KCTD16: variants seen among roughly 807,000 people sequenced by gnomAD.
KCTD16 encodes BTB/POZ domain-containing protein KCTD16.
In KCTD16, 13 loss-of-function variants were observed where a neutral mutation model predicts 33.2. The observed-to-expected ratio is 0.39, with a 90% confidence interval of 0.25 to 0.62. The LOEUF (loss-of-function observed/expected upper bound fraction) is 0.62. Ranked by LOEUF, KCTD16 falls within the 20% of genes least tolerant of loss-of-function variation. The pLI is 0.50. For synonymous variants in KCTD16, 197 were observed against 195.3 expected (o/e 1.01, Z -0.07); for missense variants, 441 against 525.1 (o/e 0.84, Z 1.57).
chr5:144,419,839 C>G (rs1007609146), intron 3 of KCTD16, among the ~76,000 whole-genome samples: 3 of 151,960 alleles, frequency 2.0e-5, no homozygotes, highest in African/African-American at 7.3e-5. Flanking sequence ...AATGACTACC[C>G]TGTTGCATAG....
Position 144,206,892 on chromosome 5 carries a change from G to T in KCTD16, c.178G>T (p.Asp60Tyr), listed in dbSNP as rs773575209. 6.2e-7 allele frequency: 1 copy of T among 1,614,188 alleles called. No individual in the cohort carries two copies. The highest frequency in any genetic ancestry group is 1.1e-5 in the South Asian group (1 of 91,074). ...GTGGAAAATGTTTTCCCCAAAGAGA[G>T]ACACGGCTAATGATCTAGCCAAGGA... Reference protein sequence around the residue: ...LLWKMFSPKRDTANDLAKDSK... With the variant: ...LLWKMFSPKRYTANDLAKDSK... The change falls in exon 3 of 4, where the codon GAC becomes TAC. Residue 60 changes from aspartate to tyrosine, a missense_variant. Physicochemically the swap from Asp to Tyr is radical, Grantham distance 160. Transcript: ENST00000512467.
chr5:144,473,905 C>A lies in KCTD16; in HGVS notation c.1078C>A (p.Arg360=), dbSNP rs2127002654. 6.2e-7 allele frequency: 1 copy of A among 1,613,938 alleles called. No individual in the cohort carries two copies. Among genetic ancestry groups the A allele is most frequent in the Non-Finnish European group, 8.5e-7 (1 of 1,179,964 alleles). The change falls in exon 4 of 4, where the codon CGG becomes AGG. Residue 360 remains arginine, a synonymous_variant. Coordinates refer to ENST00000512467, the MANE Select transcript of KCTD16 (RefSeq NM_020768.4). ...PVQLIQQSEM[R]RKSDLLRTLT... ...CCAGCTGATCCAACAGTCAGAGATG[C>A]GGCGGAAAAGCGACTTACTCCGGAC...
chr5:144,275,419 C>G (rs1325593124), intron 3 of KCTD16, among the ~76,000 whole-genome samples: 1 of 152,192 alleles, frequency 6.6e-6, no homozygotes, highest in Non-Finnish European at 1.5e-5. Context: ...GAAAGCAAAG[C>G]TACAGACCCA....
At chr5:144,389,540 C>T (rs1752404486) in intron 3 of KCTD16, among the ~76,000 whole-genome samples, 1 of 151,886 alleles carries the variant, frequency 6.6e-6, no homozygotes. Flanking sequence ...TTAGGGCTCC[C>T]ATTGATTCTA....
chr5:144,310,116 T>G (rs1751721776), intron 3 of KCTD16, among the ~76,000 whole-genome samples: 1 of 152,146 alleles, frequency 6.6e-6, no homozygotes, highest in African/African-American at 2.4e-5. Context: ...AAGATCCACT[T>G]TTTTAGCTCC....
chr5:144,397,409 C>T (rs1752597850), intron 3 of KCTD16, among the ~76,000 whole-genome samples: 1 of 152,102 alleles, frequency 6.6e-6, no homozygotes. Flanking sequence ...TTTATAGCAG[C>T]ATGATTTATA....
intron 3 of KCTD16, among the ~76,000 whole-genome samples, chr5:144,309,171 G>A (rs945647771): frequency 3.9e-5 from 6 of 152,168 alleles, no homozygotes; most frequent in Non-Finnish European, 2.9e-5. Context: ...AGGTTAGACA[G>A]AATCAGTACT....
intron 3 of KCTD16, among the ~76,000 whole-genome samples, chr5:144,453,315 CT>C (rs1209223953): frequency 6.6e-6 from 1 of 152,114 alleles, no homozygotes; most frequent in Non-Finnish European, 1.5e-5. Context: ...CACTTTTCCC[CT>C]GATCAAAAGT....
intron 3 of KCTD16, among the ~76,000 whole-genome samples, chr5:144,341,053 CAAACAAAAAAACAAA>C (rs1259126806): frequency 1.3e-5 from 2 of 151,964 alleles, no homozygotes; most frequent in East Asian, 1.9e-4. Flanking sequence ...CTCAAAAAAA[CAAACAAAAAAACAAA>C]AAACAAAAAA....
intron 3 of KCTD16, among the ~76,000 whole-genome samples, chr5:144,287,175 C>G (rs1178225663): frequency 6.6e-6 from 1 of 152,136 alleles, no homozygotes; most frequent in Non-Finnish European, 1.5e-5. Flanking sequence ...AGATTGCCAT[C>G]GGTCTGTGGA....
At position 144,446,861 on chromosome 5, in the gene KCTD16, T is replaced by C. The variant is rs1408615060; in HGVS notation, c.833-26799T>C. 2.0e-5 allele frequency among the ~76,000 whole-genome samples: 3 copies of C among 152,074 alleles called. No homozygotes were observed. The East Asian group carries it at 5.8e-4, about 29-fold the overall frequency. On this transcript the variant is annotated intron_variant, in intron 3 of 3. Coordinates refer to ENST00000512467, the MANE Select transcript of KCTD16 (RefSeq NM_020768.4). ...GCAAATCAAAACCACAATGAGATAC[T>C]ATCTCGTGCCAGTTAGAATGGCGAT... is the stretch of plus-strand genomic sequence containing the variant.
chr5:144,438,273 T>C (rs1753624096), intron 3 of KCTD16, among the ~76,000 whole-genome samples: 1 of 152,232 alleles, frequency 6.6e-6, no homozygotes, highest in Admixed American at 6.5e-5. Context: ...TCATTTTTAA[T>C]TGACAGAAAT....
rs1754609583 is a variant in KCTD16 at position 144,477,022 on chromosome 5, C to T, written c.*2908C>T. 6.6e-6 allele frequency: 1 copy of T among 151,780 alleles called. No homozygotes were observed. Among genetic ancestry groups the T allele is most frequent in the African/African-American group, 2.4e-5 (1 of 41,318 alleles). The allele number at this position is 151,780 out of a possible 1,614,324, so 9.4% of individuals were successfully genotyped here. ...GTAGAGCCCCAACTTAGATTGCCTT[C>T]TGGGAAATCCCGCGATACTAAAATC... On this transcript the variant is annotated 3_prime_UTR_variant, in exon 4 of 4. Coordinates refer to ENST00000512467, the MANE Select transcript of KCTD16 (RefSeq NM_020768.4).
At chr5:144,462,245 C>T (rs1045816543) in intron 3 of KCTD16, among the ~76,000 whole-genome samples, 8 of 151,994 alleles carry the variant, frequency 5.3e-5, no homozygotes, top group African/African-American at 1.9e-4. Flanking sequence ...TTGTCTTCCC[C>T]GCCGTCACTC....
intron 3 of KCTD16, chr5:144,383,208 G>A (rs976695081): frequency 2.6e-5 from 4 of 152,098 alleles, no homozygotes; most frequent in Non-Finnish European, 4.4e-5. Flanking sequence ...GATAAATGAC[G>A]ATTTAGAAAA....
chr5:144,195,228 A>G (rs1378899464), intron 2 of KCTD16, among the ~76,000 whole-genome samples: 2 of 152,174 alleles, frequency 1.3e-5, no homozygotes, highest in East Asian at 3.9e-4. Flanking sequence ...CATTAACTAC[A>G]TTGATGCTAT....
At chr5:144,411,631 T>C (rs1332911382) in intron 3 of KCTD16, among the ~76,000 whole-genome samples, 2 of 152,138 alleles carry the variant, frequency 1.3e-5, no homozygotes, top group Admixed American at 1.3e-4. Flanking sequence ...TGAGCAAGAA[T>C]TTTTTGGATA....
chr5:144,347,475 A>G (rs1217115601), intron 3 of KCTD16, among the ~76,000 whole-genome samples: 1 of 152,154 alleles, frequency 6.6e-6, no homozygotes, highest in Non-Finnish European at 1.5e-5. Context: ...AGCACCTGCA[A>G]TCCCAGCTAC....
intron 3 of KCTD16, among the ~76,000 whole-genome samples, chr5:144,470,767 C>T (rs1391252181): frequency 6.6e-6 from 1 of 152,184 alleles, no homozygotes; most frequent in Non-Finnish European, 1.5e-5. Flanking sequence ...CCCAGCAGTT[C>T]AGGGAGGAAA....
Sources: allele counts gnomAD v4.1 joint callset (sites outside exome capture counted in the v4.1 genomes callset), GRCh38; gene constraint gnomAD v4.1.1; transcripts MANE v1.5; gene names NCBI Gene and HGNC (gene_info 2026-07-23, HGNC 2026-07-21).